ABL1: variants seen among roughly 807,000 people sequenced by gnomAD.
ABL1 encodes tyrosine-protein kinase ABL1.
A neutral mutation model predicts 94.7 loss-of-function variants in ABL1; 11 were observed. The ratio of observed to expected loss-of-function variants is 0.12; its 90% CI spans 0.07 to 0.19. The LOEUF (loss-of-function observed/expected upper bound fraction) is 0.19, where lower values mean the gene tolerates loss of function less well. ABL1 is among the 10% of genes least tolerant of loss of function. ABL1 has a pLI of 1.00. For synonymous variants in ABL1, 656 were observed against 622.4 expected (o/e 1.05, Z -0.80); for missense variants, 1,082 against 1,489.4 (o/e 0.73, Z 4.50).
At chr9:130,878,036 A>G (rs1193651958) in intron 7 of ABL1, among the ~76,000 whole-genome samples, 1 of 151,596 alleles carries the variant, frequency 6.6e-6, no homozygotes, top group Non-Finnish European at 1.5e-5. Flanking sequence ...GATGGTCTCA[A>G]TCTCCTGACC....
chr9:130,830,650 G>A (rs1382007021), upstream of ABL1, among the ~76,000 whole-genome samples: 1 of 152,162 alleles, frequency 6.6e-6, no homozygotes, highest in Non-Finnish European at 1.5e-5. Context: ...GATGTAGGCA[G>A]GAACACAGAC....
chr9:130,758,086 T>C (rs756408818), intron 1 of ABL1, among the ~76,000 whole-genome samples: 1 of 152,212 alleles, frequency 6.6e-6, no homozygotes, highest in Non-Finnish European at 1.5e-5. Context: ...ATCAAGCACT[T>C]ACTCTGACCC....
At chr9:130,835,003 A>C (rs868482541), upstream of ABL1, 4 of 364,594 alleles carry the variant, frequency 1.1e-5, no homozygotes, top group Middle Eastern at 7.3e-4. The surrounding 1 kb of genome is among the most constrained non-coding windows in gnomAD (Gnocchi z 4.6). Context: ...GCAGGCCTGC[A>C]CCCTCCCCGC....
chr9:130,872,996 G>A lies in ABL1; in HGVS notation c.1044G>A (p.Ser348=), dbSNP rs771149933. ...TGCTGTACATGGCCACTCAGATCTC[G>A]TCAGCCATGGAGTACCTGGAGAAGA... The part of the protein sequence containing the change: ...VVLLYMATQI[S]SAMEYLEKKN... The change falls in exon 6 of 11, where the codon TCG becomes TCA. Residue 348 remains serine, a synonymous_variant. Transcript: ENST00000318560. This position sits in a 1 kb window ranked among gnomAD's most constrained non-coding sequence, Gnocchi z 5.0. 32 of 1,614,016 alleles carry A rather than the reference G, an allele frequency of 2.0e-5. No homozygotes were observed. Among genetic ancestry groups the A allele is most frequent in the South Asian group, 8.8e-5 (8 of 91,082 alleles).
At chr9:130,756,583 T>G (rs1449853600) in intron 1 of ABL1, among the ~76,000 whole-genome samples, 1 of 152,194 alleles carries the variant, frequency 6.6e-6, no homozygotes, top group Non-Finnish European at 1.5e-5. Context: ...CTGCTCACTG[T>G]GTTTAAGGCA....
At chr9:130,714,036 T>C in exon 1 of ABL1, 1 of 318,074 alleles carries the variant, frequency 3.1e-6, no homozygotes, top group African/African-American at 2.1e-5. Flanking sequence ...AAAGAAATTG[T>C]TATTCAGCCC....
rs184503468 is a variant in ABL1, at chr9:130,717,529, C to G, written c.136+3074C>G. Among the ~76,000 whole-genome samples the G allele has an allele frequency of 1.3e-3, 198 of 151,288 alleles. 1 individual carries two copies. Among genetic ancestry groups the G allele is most frequent in the Middle Eastern group, 3.4e-3 (1 of 290 alleles). On this transcript the variant is annotated intron_variant, in intron 1 of 10. Coordinates refer to the ABL1 transcript ENST00000372348. ...ACCCAGCTGTGCAATCTAGTGAGAT[C>G]TTACCTCTACAGAAATTTAAAAAAT... is the stretch of plus-strand genomic sequence containing the variant.
At chr9:130,756,854 G>A (rs1486366591) in intron 1 of ABL1, among the ~76,000 whole-genome samples, 1 of 152,114 alleles carries the variant, frequency 6.6e-6, no homozygotes, top group East Asian at 1.9e-4. Flanking sequence ...AAAAGAAAAT[G>A]GAAACAAAGC....
chr9:130,736,798 C>A (rs115143528), intron 1 of ABL1, among the ~76,000 whole-genome samples: 1 of 152,072 alleles, frequency 6.6e-6, no homozygotes, highest in Non-Finnish European at 1.5e-5. Context: ...GCCGGTTGAA[C>A]GTTTTTAACA....
chr9:130,812,189 C>T (rs1262873348), intron 1 of ABL1, among the ~76,000 whole-genome samples: 1 of 136,686 alleles, frequency 7.3e-6, no homozygotes, highest in Non-Finnish European at 1.5e-5. Context: ...CCAAGTGAGA[C>T]TCCATCTCTA....
At chr9:130,844,012 T>C (rs1462165067) in intron 1 of ABL1, among the ~76,000 whole-genome samples, 3 of 152,148 alleles carry the variant, frequency 2.0e-5, no homozygotes, top group African/African-American at 7.2e-5. Context: ...AGCTGCAAAC[T>C]GCCAGCTACC....
chr9:130,808,248 T>TTCTTCTTC (rs1491141022), intron 1 of ABL1, among the ~76,000 whole-genome samples: 2 of 110,572 alleles, frequency 1.8e-5, no homozygotes, highest in Non-Finnish European at 3.6e-5. Context: ...CTTCTTCTTC[T>TTCTTCTTC]TTTTTTTTTT....
chr9:130,722,046 T>C lies in ABL1; in HGVS notation c.136+7591T>C, dbSNP rs182736528. 3.7e-3 allele frequency among the ~76,000 whole-genome samples: 560 copies of C among 151,766 alleles called. 5 individuals are homozygous for C. The highest frequency in any genetic ancestry group is 0.013 in the African/African-American group (530 of 41,506). ...ATCTACCTGGCTCGACCTCCCAAAGTGCTGGGATTTCAGGCGTGAGCCACC... is the reference window on the plus strand; with the variant it reads ...ATCTACCTGGCTCGACCTCCCAAAGCGCTGGGATTTCAGGCGTGAGCCACC... On this transcript the variant is annotated intron_variant, in intron 1 of 10. Transcript: ENST00000372348.
intron 1 of ABL1, among the ~76,000 whole-genome samples, chr9:130,753,995 A>G (rs971670341): frequency 7.7e-5 from 11 of 143,540 alleles, no homozygotes; most frequent in African/African-American, 2.6e-4. Context: ...CACCTGGGTC[A>G]GGAGTTCGAG....
intron 1 of ABL1, among the ~76,000 whole-genome samples, chr9:130,717,251 C>T (rs1015082831): frequency 2.0e-5 from 3 of 152,084 alleles, no homozygotes; most frequent in African/African-American, 7.2e-5. Flanking sequence ...CCATGTTAGC[C>T]AGGCTGGTCT....
intron 1 of ABL1, among the ~76,000 whole-genome samples, chr9:130,811,221 C>T (rs775846040): frequency 6.6e-6 from 1 of 152,008 alleles, no homozygotes; most frequent in Non-Finnish European, 1.5e-5. Context: ...ACCAGGAGTC[C>T]CAGGCTGCAG....
intron 1 of ABL1, among the ~76,000 whole-genome samples, chr9:130,769,662 T>C (rs1027071960): frequency 3.7e-4 from 57 of 152,152 alleles, no homozygotes; most frequent in African/African-American, 1.3e-3. Context: ...TGTATTGTAT[T>C]GTATTATTTT....
chr9:130,744,953 G>A (rs988116885), intron 1 of ABL1, among the ~76,000 whole-genome samples: 10 of 151,914 alleles, frequency 6.6e-5, no homozygotes, highest in Non-Finnish European at 1.5e-4. Context: ...GCCTAATGAT[G>A]TAAGTGCCAA....
chr9:130,769,724 T>C lies in ABL1; in HGVS notation c.136+55269T>C, dbSNP rs188078043. On this transcript the variant is annotated intron_variant, in intron 1 of 10. Coordinates refer to the ABL1 transcript ENST00000372348. ...TACATATCATAATATTCCCCTTCTT[T>C]ATTATACAGTTCTATGGACTTTGAC... 2.3e-3 allele frequency among the ~76,000 whole-genome samples: 350 copies of C among 152,292 alleles called. 1 individual carries two copies. The highest frequency in any genetic ancestry group is 8.3e-3 in the South Asian group (40 of 4,822).
Sources: allele counts gnomAD v4.1 joint callset (sites outside exome capture counted in the v4.1 genomes callset), GRCh38; gene constraint gnomAD v4.1.1; non-coding constraint Gnocchi (gnomAD v3.1); transcripts MANE v1.5; gene names NCBI Gene and HGNC (gene_info 2026-07-23, HGNC 2026-07-21).